The following FRMD4A variants were observed in gnomAD, a reference collection of about 807,000 sequenced individuals.
The protein encoded by FRMD4A is FERM domain-containing protein 4A.
In FRMD4A, 29 loss-of-function variants were observed where a neutral mutation model predicts 129.1. That is an observed-to-expected ratio of 0.22 (90% CI 0.17 to 0.31). The LOEUF is 0.31. Among genes scored for constraint, FRMD4A ranks in the 10% least tolerant of loss-of-function variants. FRMD4A has a pLI of 1.00. For synonymous variants in FRMD4A, 634 were observed against 571.6 expected (o/e 1.11, Z -1.56); for missense variants, 1,272 against 1,375.8 (o/e 0.92, Z 1.19).
chr10:14,283,485 G>C (rs957376841), intron 2 of FRMD4A, among the ~76,000 whole-genome samples: 1 of 152,104 alleles, frequency 6.6e-6, no homozygotes. Context: ...AAACAATCCA[G>C]ACAAAACAGA....
At chr10:13,724,704 G>A (rs76921260) in intron 12 of FRMD4A, among the ~76,000 whole-genome samples, 2,529 of 152,250 alleles carry the variant, frequency 0.017, 71 homozygotes, top group African/African-American at 0.056. Context: ...CATCTGGCTG[G>A]GTGTTTATTT....
chr10:14,287,394 G>GAATGCA (rs1331016976), intron 2 of FRMD4A, among the ~76,000 whole-genome samples: 2 of 152,192 alleles, frequency 1.3e-5, no homozygotes, highest in Non-Finnish European at 2.9e-5. Context: ...GAGTTTTACA[G>GAATGCA]TTAGTAGTTA....
chr10:13,673,508 C>A (rs943016996), intron 16 of FRMD4A, among the ~76,000 whole-genome samples: 1 of 152,206 alleles, frequency 6.6e-6, no homozygotes, highest in African/African-American at 2.4e-5. Flanking sequence ...TTAGGTGGTG[C>A]ACAGTTGCTC....
intron 2 of FRMD4A, among the ~76,000 whole-genome samples, chr10:14,081,097 T>C (rs1230520564): frequency 6.6e-6 from 1 of 152,174 alleles, no homozygotes. Context: ...TATGGGCTTC[T>C]CCTAGTCAGA....
chr10:13,816,545 C>T (rs1179775194), intron 3 of FRMD4A, among the ~76,000 whole-genome samples: 1 of 152,330 alleles, frequency 6.6e-6, no homozygotes, highest in South Asian at 2.1e-4. Context: ...CAATTTGTGG[C>T]ATCAGCTCCT....
chr10:14,261,988 C>A lies in FRMD4A; in HGVS notation c.45+68070G>T, dbSNP rs1033314986. ...CACACACACACACACACACACACAC[C>A]TCATTTTCCCTAGTTCCCCTCTCTC... On this transcript the variant is annotated intron_variant, in intron 2 of 24. Transcript: ENST00000357447. Among the ~76,000 whole-genome samples the A allele has an allele frequency of 5.3e-5, 6 of 113,750 alleles. No individual in the cohort carries two copies. In the East Asian group the frequency reaches 9.1e-4, roughly 17 times the overall value. 74.6% of individuals were successfully genotyped at this position (113,750 alleles called of 152,430 possible). A position where few individuals can be genotyped will look rare whatever the true frequency, so the allele number is the denominator to read the frequency against.
intron 4 of FRMD4A, among the ~76,000 whole-genome samples, chr10:13,798,961 G>A (rs1014942996): frequency 2.0e-5 from 3 of 152,034 alleles, no homozygotes; most frequent in African/African-American, 7.2e-5. Flanking sequence ...TTCTTCCCCA[G>A]TGAGGTCCGG....
rs2081129707 is a variant in FRMD4A, at chr10:13,646,580, C to T, written c.*458G>A. 6.6e-6 allele frequency: 1 copy of T among 152,364 alleles called. No individual in the cohort carries two copies. The highest frequency in any genetic ancestry group is 2.1e-4 in the South Asian group (1 of 4,830). 9.4% of individuals were successfully genotyped at this position (152,364 alleles called of 1,614,324 possible). A position where few individuals can be genotyped will look rare whatever the true frequency, so the allele number is the denominator to read the frequency against. ...TGGGTCACCCTGTAACTCAAGTCCC[C>T]TTTCCCGTTCTCTCCCAACGCTACT... is the stretch of plus-strand genomic sequence containing the variant. On this transcript the variant is annotated 3_prime_UTR_variant, in exon 25 of 25. Coordinates refer to ENST00000357447, the MANE Select transcript of FRMD4A (RefSeq NM_018027.5).
chr10:14,084,301 C>G (rs1228315032), intron 2 of FRMD4A, among the ~76,000 whole-genome samples: 1 of 152,156 alleles, frequency 6.6e-6, no homozygotes, highest in African/African-American at 2.4e-5. Flanking sequence ...CATGCGCCAC[C>G]ATGCCTGGCT....
chr10:13,740,023 C>T (rs550270544), intron 11 of FRMD4A, among the ~76,000 whole-genome samples, 171 bp downstream of exon 11: 6 of 152,326 alleles, frequency 3.9e-5, no homozygotes, highest in Middle Eastern at 3.4e-3. Context: ...TCGCTTGAAC[C>T]CGGGAGGTGG....
chr10:14,184,799 T>C (rs1199920493), intron 2 of FRMD4A, among the ~76,000 whole-genome samples: 2 of 152,164 alleles, frequency 1.3e-5, no homozygotes. Flanking sequence ...AAAGGCGCAT[T>C]TTCTTATTTA....
chr10:13,797,094 G>A (rs1004069906), intron 4 of FRMD4A, among the ~76,000 whole-genome samples: 4 of 152,154 alleles, frequency 2.6e-5, no homozygotes, highest in African/African-American at 9.7e-5. Context: ...AGTCAGCAGT[G>A]GATACTGTGT....
At chr10:13,893,634 G>C (rs1038801949) in intron 2 of FRMD4A, among the ~76,000 whole-genome samples, 3 of 152,068 alleles carry the variant, frequency 2.0e-5, no homozygotes, top group African/African-American at 7.2e-5. Flanking sequence ...CGATTCTTCT[G>C]CCTTAGCCTC....
At chr10:13,702,548 G>A (rs867355281) in intron 13 of FRMD4A, among the ~76,000 whole-genome samples, 70 of 147,878 alleles carry the variant, frequency 4.7e-4, no homozygotes, top group African/African-American at 1.7e-3. Context: ...GCATGTGTGT[G>A]TGTGTGTGTG....
At chr10:14,284,060 T>C (rs1170789292) in intron 2 of FRMD4A, among the ~76,000 whole-genome samples, 1 of 152,252 alleles carries the variant, frequency 6.6e-6, no homozygotes, top group East Asian at 1.9e-4. Flanking sequence ...TATCCTATTT[T>C]ACTTCTCAGT....
At chr10:13,790,947 C>T (rs1019211393) in intron 5 of FRMD4A, among the ~76,000 whole-genome samples, 3 of 151,814 alleles carry the variant, frequency 2.0e-5, no homozygotes, top group Non-Finnish European at 4.4e-5. Context: ...AGGAAAGGCT[C>T]GAGGGAGAAG....
In FRMD4A at chr10:14,128,015, C is replaced by T. The variant is rs28570298; in HGVS notation, c.45+202043G>A. On this transcript the variant is annotated intron_variant, in intron 2 of 24. Coordinates refer to ENST00000357447, the MANE Select transcript of FRMD4A (RefSeq NM_018027.5). ...CTCTCTCTCTCTTTCTTTCTTTCTT[C>T]CTTCCTTCCTTCCTTCCTTCCTTTC... Among the ~76,000 whole-genome samples the T allele has an allele frequency of 1.6e-3, 193 of 117,646 alleles. 7 individuals carry two copies. The highest frequency in any genetic ancestry group is 4.6e-3 in the Middle Eastern group (1 of 218). The allele number at this position is 117,646 out of a possible 152,430, so 77.2% of individuals were successfully genotyped here.
At chr10:13,673,966 C>G (rs1218611572) in intron 16 of FRMD4A, among the ~76,000 whole-genome samples, 1 of 151,826 alleles carries the variant, frequency 6.6e-6, no homozygotes, top group Non-Finnish European at 1.5e-5. Flanking sequence ...CAGGGTCTCA[C>G]TATGTTGCTC....
intron 9 of FRMD4A, among the ~76,000 whole-genome samples, chr10:13,744,111 C>G (rs1238294358): frequency 6.6e-6 from 1 of 152,056 alleles, no homozygotes; most frequent in African/African-American, 2.4e-5. Flanking sequence ...GAAGGGGAAA[C>G]AGGGATGGTG....
Sources: gnomAD v4.1 joint callset for allele counts (sites outside exome capture counted in the v4.1 genomes callset) on GRCh38, gnomAD v4.1.1 for gene constraint, MANE v1.5 for transcripts, NCBI Gene and HGNC (gene_info 2026-07-23, HGNC 2026-07-21) for gene names.